The following KCNIP4 variants were observed in gnomAD, a reference collection of about 807,000 sequenced individuals.
The protein encoded by KCNIP4 is potassium voltage-gated channel interacting protein 4, also known as Kv channel-interacting protein 4.
A neutral mutation model predicts 34.0 loss-of-function variants in KCNIP4; 12 were observed. The ratio of observed to expected loss-of-function variants is 0.35; its 90% CI spans 0.23 to 0.57. The LOEUF is 0.57. Among genes scored for constraint, KCNIP4 ranks in the 20% least tolerant of loss-of-function variants. The probability of loss-of-function intolerance (pLI) is 0.83; values close to 1 mark genes in which losing one functional copy is unlikely to be tolerated. For synonymous variants in KCNIP4, 124 were observed against 102.2 expected, an observed-to-expected ratio of 1.21 and a Z score of -1.29; for missense variants, 238 against 311.7, an observed-to-expected ratio of 0.76 and a Z score of 1.78.
intron 3 of KCNIP4, among the ~76,000 whole-genome samples, chr4:20,845,898 T>A (rs144245300): frequency 6.6e-6 from 1 of 152,126 alleles, no homozygotes; most frequent in African/African-American, 2.4e-5. Flanking sequence ...TGCAGCCCAA[T>A]CATGATTCTA....
At chr4:20,918,887 G>A (rs551266068) in intron 1 of KCNIP4, among the ~76,000 whole-genome samples, 1 of 152,296 alleles carries the variant, frequency 6.6e-6, no homozygotes, top group South Asian at 2.1e-4. Flanking sequence ...ATGGCAAGTA[G>A]GCCAACTGTA....
At chr4:21,422,507 C>T (rs184375131) in intron 1 of KCNIP4, among the ~76,000 whole-genome samples, 18 of 152,028 alleles carry the variant, frequency 1.2e-4, no homozygotes, top group Admixed American at 9.8e-4. Flanking sequence ...GCCCACTTAC[C>T]TTTTTAACAA....
intron 1 of KCNIP4, among the ~76,000 whole-genome samples, chr4:21,699,088 A>G (rs1019154101): frequency 1.3e-5 from 2 of 152,244 alleles, no homozygotes; most frequent in African/African-American, 4.8e-5. Flanking sequence ...GAGTGATGGC[A>G]TCCCTAAGTT....
At chr4:21,054,273 C>A (rs939052103) in intron 1 of KCNIP4, among the ~76,000 whole-genome samples, 3 of 152,084 alleles carry the variant, frequency 2.0e-5, no homozygotes, top group African/African-American at 7.2e-5. Flanking sequence ...GATACTAGCA[C>A]TTTGGGAGGC....
intron 1 of KCNIP4, among the ~76,000 whole-genome samples, chr4:21,045,973 G>A (rs1368282263): frequency 6.6e-6 from 1 of 152,144 alleles, no homozygotes; most frequent in Non-Finnish European, 1.5e-5. Flanking sequence ...TGAAATGGTA[G>A]GTATTTAAAT....
intron 3 of KCNIP4, among the ~76,000 whole-genome samples, chr4:20,807,772 A>G (rs1715266359): frequency 6.6e-6 from 1 of 152,198 alleles, no homozygotes; most frequent in Non-Finnish European, 1.5e-5. Flanking sequence ...TTTGTGAGTT[A>G]AAAGCACAAA....
chr4:21,020,376 A>T (rs1739929935), intron 1 of KCNIP4, among the ~76,000 whole-genome samples: 1 of 152,138 alleles, frequency 6.6e-6, no homozygotes, highest in Admixed American at 6.5e-5. Flanking sequence ...AGTAAATATT[A>T]ATCAACAAAG....
intron 1 of KCNIP4, among the ~76,000 whole-genome samples, chr4:21,535,732 T>A (rs358827): frequency 0.01 from 1,529 of 152,304 alleles, 25 homozygotes; most frequent in African/African-American, 0.034. Flanking sequence ...ATAGTTTATG[T>A]TATTCCTTAC....
At chr4:21,059,526 C>T (rs535293712) in intron 1 of KCNIP4, among the ~76,000 whole-genome samples, 7 of 151,864 alleles carry the variant, frequency 4.6e-5, no homozygotes, top group Admixed American at 2.6e-4. Context: ...AAGAGGGACC[C>T]GAGACCACAC....
chr4:21,027,616 G>T (rs973052468), intron 1 of KCNIP4, among the ~76,000 whole-genome samples: 1 of 149,996 alleles, frequency 6.7e-6, no homozygotes, highest in Non-Finnish European at 1.5e-5. Flanking sequence ...GAAAAGATAT[G>T]TAATCTTCTT....
chr4:21,166,357 T>C (rs907417292), intron 1 of KCNIP4, among the ~76,000 whole-genome samples: 1 of 152,098 alleles, frequency 6.6e-6, no homozygotes, highest in South Asian at 2.1e-4. Flanking sequence ...TCAACCATAA[T>C]GAGATACTGT....
chr4:21,238,896 A>C lies in KCNIP4; in HGVS notation c.62-356187T>G, dbSNP rs77319592. On this transcript the variant is annotated intron_variant, in intron 1 of 8. Coordinates refer to ENST00000382152, the MANE Select transcript of KCNIP4 (RefSeq NM_025221.6). ...AAAAACTAAAGTTCATATGGAACCA[A>C]AACAGAGCCCACATTGCTGAGTCAA... is the stretch of plus-strand genomic sequence containing the variant. Among the ~76,000 whole-genome samples the C allele has an allele frequency of 8.9e-3, 1,350 of 152,318 alleles. 50 individuals are homozygous for C. Among genetic ancestry groups the C allele is most frequent in the Admixed American group, 0.068 (1,042 of 15,278 alleles).
chr4:21,839,151 G>GT (rs542213861), intron 1 of KCNIP4, among the ~76,000 whole-genome samples: 2 of 152,066 alleles, frequency 1.3e-5, no homozygotes, highest in Non-Finnish European at 2.9e-5. Flanking sequence ...ATATTTAAAA[G>GT]TTTTTTAGCA....
chr4:21,360,493 G>A (rs1367245022), intron 1 of KCNIP4, among the ~76,000 whole-genome samples: 1 of 151,950 alleles, frequency 6.6e-6, no homozygotes, highest in African/African-American at 2.4e-5. Context: ...ACATGCTGTG[G>A]GGAAAACCTC....
intron 1 of KCNIP4, among the ~76,000 whole-genome samples, chr4:21,737,511 A>C (rs1716073061): frequency 6.6e-6 from 1 of 152,170 alleles, no homozygotes; most frequent in Non-Finnish European, 1.5e-5. Flanking sequence ...TTTAAAAATG[A>C]GATACTAAAA....
intron 1 of KCNIP4, among the ~76,000 whole-genome samples, chr4:21,377,956 G>A (rs772453754): frequency 1.5e-4 from 23 of 152,132 alleles, no homozygotes; most frequent in African/African-American, 7.2e-5. Context: ...GTATTTGTGC[G>A]TAGTGGTGGT....
chr4:21,300,440 C>T (rs1711547322), intron 1 of KCNIP4, among the ~76,000 whole-genome samples: 1 of 152,114 alleles, frequency 6.6e-6, no homozygotes. Context: ...ATCTGCTTCT[C>T]ATTATTATTT....
chr4:21,760,762 G>A (rs1717995021), intron 1 of KCNIP4, among the ~76,000 whole-genome samples: 1 of 152,048 alleles, frequency 6.6e-6, no homozygotes, highest in Non-Finnish European at 1.5e-5. Flanking sequence ...GCTTTGCAAA[G>A]CAAACAAATT....
intron 1 of KCNIP4, among the ~76,000 whole-genome samples, chr4:21,566,154 C>T (rs1409456089): frequency 2.0e-5 from 3 of 152,148 alleles, no homozygotes; most frequent in Non-Finnish European, 4.4e-5. Flanking sequence ...AATCAAGAGA[C>T]AGGGCGGAGC....
Sources: allele counts gnomAD v4.1 joint callset (sites outside exome capture counted in the v4.1 genomes callset), GRCh38; gene constraint gnomAD v4.1.1; transcripts MANE v1.5; gene names NCBI Gene and HGNC (gene_info 2026-07-23, HGNC 2026-07-21).